CDH12: variants seen among roughly 807,000 people sequenced by gnomAD.
CDH12 encodes cadherin 12.
In CDH12, 41 loss-of-function variants were observed where a neutral mutation model predicts 74.1. The ratio of observed to expected loss-of-function variants is 0.55; its 90% CI spans 0.43 to 0.72. The LOEUF is 0.72. CDH12 is among the 30% of genes least tolerant of loss of function. The pLI, the probability that CDH12 is intolerant of heterozygous loss-of-function variation, is 0.00. For missense variants in CDH12, 945 were observed against 977.2 expected, an observed-to-expected ratio of 0.97 and a Z score of 0.44; for synonymous variants, 399 against 355.0, an observed-to-expected ratio of 1.12 and a Z score of -1.39.
chr5:22,077,254 T>G (rs1396426228), intron 5 of CDH12, among the ~76,000 whole-genome samples: 1 of 152,160 alleles, frequency 6.6e-6, no homozygotes, highest in Non-Finnish European at 1.5e-5. Context: ...CAACAAAGTT[T>G]CTATTTAAAG....
chr5:22,025,957 A>G (rs1358455587), intron 5 of CDH12, among the ~76,000 whole-genome samples: 1 of 151,730 alleles, frequency 6.6e-6, no homozygotes, highest in Non-Finnish European at 1.5e-5. Flanking sequence ...TGCAATTTTT[A>G]TCACATCTGT....
At chr5:21,926,006 T>A (rs78456953) in intron 6 of CDH12, among the ~76,000 whole-genome samples, 3,095 of 152,270 alleles carry the variant, frequency 0.02, 112 homozygotes, top group African/African-American at 0.071. Flanking sequence ...TAAATTATAT[T>A]TTGTCATGAA....
chr5:22,369,951 T>C (rs1441194898), intron 3 of CDH12, among the ~76,000 whole-genome samples: 1 of 152,150 alleles, frequency 6.6e-6, no homozygotes, highest in Non-Finnish European at 1.5e-5. Flanking sequence ...ACAGACACAA[T>C]AACAGAAAAA....
At chr5:22,075,639 T>C (rs1372212508) in intron 5 of CDH12, among the ~76,000 whole-genome samples, 1 of 152,004 alleles carries the variant, frequency 6.6e-6, no homozygotes, top group African/African-American at 2.4e-5. Flanking sequence ...TATTCTAACA[T>C]GTAAGTATGT....
intron 1 of CDH12, among the ~76,000 whole-genome samples, chr5:22,720,341 C>T (rs1218089800): frequency 1.3e-5 from 2 of 152,172 alleles, no homozygotes; most frequent in African/African-American, 2.4e-5. Context: ...AAGACACTTG[C>T]TTCTCCTTCA....
chr5:22,179,496 C>A (rs1237002586), intron 4 of CDH12, among the ~76,000 whole-genome samples: 1 of 152,070 alleles, frequency 6.6e-6, no homozygotes, highest in African/African-American at 2.4e-5. Context: ...TTAAAAGTTT[C>A]AGAAGTTAAT....
intron 1 of CDH12, among the ~76,000 whole-genome samples, chr5:22,773,653 C>A (rs1429577101): frequency 6.6e-6 from 1 of 151,814 alleles, no homozygotes; most frequent in African/African-American, 2.4e-5. Flanking sequence ...CAAGTGGGAC[C>A]TAAACTAAAG....
chr5:22,717,431 T>C (rs1340893917), intron 1 of CDH12, among the ~76,000 whole-genome samples: 1 of 152,142 alleles, frequency 6.6e-6, no homozygotes, highest in Non-Finnish European at 1.5e-5. Context: ...CACTTAGGTT[T>C]GTGAAAATCC....
At chr5:22,523,097 C>G (rs902697108) in intron 1 of CDH12, among the ~76,000 whole-genome samples, 1 of 152,162 alleles carries the variant, frequency 6.6e-6, no homozygotes, top group African/African-American at 2.4e-5. Flanking sequence ...TATCTGGATC[C>G]TAAGATGGCA....
At chr5:22,522,571 T>C (rs1327400360) in intron 1 of CDH12, among the ~76,000 whole-genome samples, 1 of 152,176 alleles carries the variant, frequency 6.6e-6, no homozygotes, top group Non-Finnish European at 1.5e-5. Flanking sequence ...CTCCTTAGAC[T>C]CAGCAGTGAA....
intron 2 of CDH12, among the ~76,000 whole-genome samples, chr5:22,481,883 A>G (rs1746397457): frequency 6.6e-6 from 1 of 152,164 alleles, no homozygotes; most frequent in South Asian, 2.1e-4. Context: ...TGCACTTAAG[A>G]AAAAAACAAA....
At position 22,412,303 on chromosome 5, in the gene CDH12, C is replaced by T. The variant is rs146928942; in HGVS notation, c.-427-6952G>A. Among the ~76,000 whole-genome samples the T allele has an allele frequency of 8.6e-3, 1,309 of 152,058 alleles. 12 individuals are homozygous for T. Among genetic ancestry groups the T allele is most frequent in the Non-Finnish European group, 0.014 (969 of 67,850 alleles). On this transcript the variant is annotated intron_variant, in intron 2 of 14. Transcript: ENST00000382254. ...CATACATTACTCAGCCTGTGTCCAT[C>T]TGCTATAAGTCAACTGAATTAGATT... is the stretch of plus-strand genomic sequence containing the variant.
At chr5:21,968,440 A>T (rs1172407462) in intron 6 of CDH12, among the ~76,000 whole-genome samples, 1 of 152,232 alleles carries the variant, frequency 6.6e-6, no homozygotes, top group African/African-American at 2.4e-5. Flanking sequence ...TAACAAGTTC[A>T]ACATCCAAGT....
chr5:22,042,891 A>AAAC, intron 5 of CDH12, among the ~76,000 whole-genome samples: 1 of 119,826 alleles, frequency 8.3e-6, no homozygotes, highest in Admixed American at 8.3e-5. Flanking sequence ...TTCTATCTCA[A>AAAC]AAAAAAAAAA....
chr5:22,370,329 C>T (rs542001258), intron 3 of CDH12, among the ~76,000 whole-genome samples: 19 of 152,246 alleles, frequency 1.2e-4, no homozygotes, highest in African/African-American at 4.6e-4. Context: ...TTAACTTTCA[C>T]TCCCAAGTTG....
intron 9 of CDH12, among the ~76,000 whole-genome samples, chr5:21,813,343 G>A (rs1747856017): frequency 6.6e-6 from 1 of 152,104 alleles, no homozygotes; most frequent in African/African-American, 2.4e-5. Flanking sequence ...AGCCAGGCAT[G>A]TTGGCAGGCA....
intron 9 of CDH12, among the ~76,000 whole-genome samples, chr5:21,811,889 T>C (rs1747767355): frequency 6.6e-6 from 1 of 150,784 alleles, no homozygotes; most frequent in Non-Finnish European, 1.5e-5. Context: ...TCTGTCACAG[T>C]GAAATGGCAT....
chr5:21,778,508 C>T (rs1397666617), intron 11 of CDH12, among the ~76,000 whole-genome samples: 5 of 143,174 alleles, frequency 3.5e-5, no homozygotes, highest in South Asian at 2.2e-4. Context: ...ACGATTCTGC[C>T]GGAAAAATCT....
At chr5:22,608,195 G>GT (rs1737215827) in intron 1 of CDH12, among the ~76,000 whole-genome samples, 1 of 152,146 alleles carries the variant, frequency 6.6e-6, no homozygotes, top group Admixed American at 6.5e-5. Context: ...TGGTGAGGGG[G>GT]GCTATTCCCT....
Sources: gnomAD v4.1 joint callset for allele counts (sites outside exome capture counted in the v4.1 genomes callset) on GRCh38, gnomAD v4.1.1 for gene constraint, MANE v1.5 for transcripts, NCBI Gene and HGNC (gene_info 2026-07-23, HGNC 2026-07-21) for gene names.